Variants in MGST2 observed in about 807,000 individuals in gnomAD.
MGST2 encodes the protein microsomal glutathione S-transferase 2.
Under a neutral mutation model 16.6 loss-of-function variants are expected in MGST2, and 9 were observed. That is an observed-to-expected ratio of 0.54 (90% CI 0.33 to 0.95). The LOEUF (loss-of-function observed/expected upper bound fraction) is 0.95, where lower values mean the gene tolerates loss of function less well. MGST2 is among the 40% of genes least tolerant of loss of function. The pLI, the probability that MGST2 is intolerant of heterozygous loss-of-function variation, is 0.03. For synonymous variants in MGST2, 79 were observed against 68.0 expected (o/e 1.16, Z -0.79); for missense variants, 159 against 175.1 (o/e 0.91, Z 0.52).
intron 5 of MGST2, among the ~76,000 whole-genome samples, chr4:139,738,477 A>G (rs1729032329): frequency 6.6e-6 from 1 of 152,172 alleles, no homozygotes. Context: ...TGGGAGGCGG[A>G]GGTTGCAGTG....
rs370440205 is a variant in MGST2 at position 139,720,161 on chromosome 4, G to C, written c.*48+15965G>C. ...TTGGCTGGTAGGCGTGGTGCTATAA[G>C]GGGCCAGTCCCATCTCCGACTGCGC... On this transcript the variant is annotated intron_variant, in intron 5 of 5. Coordinates refer to the MGST2 transcript ENST00000616265. The C allele has an allele frequency of 4.7e-5, 76 of 1,614,084 alleles. No individual in the cohort carries two copies. The African/African-American group carries it at 9.1e-4, about 19-fold the overall frequency.
chr4:139,706,122 T>A (rs757889110), downstream of MGST2, among the ~76,000 whole-genome samples: 15 of 152,170 alleles, frequency 9.9e-5, no homozygotes, highest in Non-Finnish European at 1.2e-4. Flanking sequence ...TAAATACTAG[T>A]GTTCCCATAA....
At chr4:139,684,603 T>C (rs936559462) in intron 2 of MGST2, among the ~76,000 whole-genome samples, 1 of 152,154 alleles carries the variant, frequency 6.6e-6, no homozygotes, top group Admixed American at 6.5e-5. Context: ...GCAGCTTTCT[T>C]CTGGAGAACC....
intron 5 of MGST2, chr4:139,725,894 C>A: frequency 7.2e-7 from 1 of 1,398,044 alleles, no homozygotes; most frequent in Non-Finnish European, 1.0e-6. Context: ...GCACACAATT[C>A]AATATCCCAG....
rs552778227 is a variant in MGST2, at chr4:139,685,201, T to C, written c.158+6559T>C. The stretch of plus-strand genomic sequence containing the variant: ...CTCTCTTCCACTCTTGAGAGATTGT[T>C]TGGAGGTTCCAGCAGGGGAGCATAG... On this transcript the variant is annotated intron_variant, in intron 2 of 4. Coordinates refer to ENST00000265498, the MANE Select transcript of MGST2 (RefSeq NM_002413.5). 2.0e-5 allele frequency: 3 copies of C among 152,656 alleles called. No individual in the cohort carries two copies. The South Asian group carries it at 6.2e-4, about 32-fold the overall frequency. 9.5% of individuals were successfully genotyped at this position (152,656 alleles called of 1,614,324 possible). A position where few individuals can be genotyped will look rare whatever the true frequency, so the allele number is the denominator to read the frequency against.
At chr4:139,682,255 A>T (rs959235830) in intron 2 of MGST2, among the ~76,000 whole-genome samples, 2 of 150,276 alleles carry the variant, frequency 1.3e-5, no homozygotes, top group Non-Finnish European at 2.9e-5. Context: ...AAAAAAAAAA[A>T]ACAAAAACAG....
chr4:139,732,618 T>TA (rs1728772134), intron 5 of MGST2, among the ~76,000 whole-genome samples: 1 of 151,578 alleles, frequency 6.6e-6, no homozygotes, highest in African/African-American at 2.4e-5. Flanking sequence ...TTTACTTTTT[T>TA]AAAAAATGTA....
chr4:139,723,478 T>C (rs1220734347), intron 5 of MGST2, among the ~76,000 whole-genome samples: 1 of 152,080 alleles, frequency 6.6e-6, no homozygotes, highest in Non-Finnish European at 1.5e-5. Context: ...GCCTGGCTAA[T>C]TTTTTGTATT....
chr4:139,728,731 C>T (rs1470091451), intron 5 of MGST2, among the ~76,000 whole-genome samples: 1 of 152,186 alleles, frequency 6.6e-6, no homozygotes, highest in Admixed American at 6.5e-5. Context: ...TCTCCCCTGA[C>T]CTCTCACCTC....
rs183510653 is a variant in MGST2, at chr4:139,731,711, G to T, written c.*49-8501G>T. Among the ~76,000 whole-genome samples, 45 of 152,274 alleles carry T rather than the reference G, an allele frequency of 3.0e-4. 1 individual carries two copies. The highest frequency in any genetic ancestry group is 2.9e-3 in the Admixed American group (45 of 15,290). ...TTCTATAATTATATGTCAGCCAGTC[G>T]AATGATGGCAACTTTTAAGGACTGG... On this transcript the variant is annotated intron_variant, in intron 5 of 5. Coordinates refer to the MGST2 transcript ENST00000616265.
intron 5 of MGST2, chr4:139,719,566 C>G (rs544447946): frequency 2.5e-6 from 4 of 1,613,572 alleles, no homozygotes; most frequent in Non-Finnish European, 3.4e-6. Context: ...TGAACGCTGG[C>G]ATGCCTGGGA....
At chr4:139,681,420 G>A (rs1334202610) in intron 2 of MGST2, among the ~76,000 whole-genome samples, 1 of 151,908 alleles carries the variant, frequency 6.6e-6, no homozygotes, top group Non-Finnish European at 1.5e-5. Flanking sequence ...TAACCTCCAG[G>A]ACTGATCCTC....
At chr4:139,721,778 G>A (rs181187047) in intron 5 of MGST2, among the ~76,000 whole-genome samples, 1 of 152,220 alleles carries the variant, frequency 6.6e-6, no homozygotes, top group Admixed American at 6.5e-5. Flanking sequence ...ATTTTTTTAA[G>A]CTTCATTATA....
chr4:139,746,444 A>T, the MGST2 span, among the ~76,000 whole-genome samples: 3 of 145,276 alleles, frequency 2.1e-5, no homozygotes, highest in East Asian at 5.8e-4. Flanking sequence ...TCCCTTTAAA[A>T]ATTTTCCTAC....
chr4:139,700,357 T>C (rs1372094374), intron 3 of MGST2, among the ~76,000 whole-genome samples: 1 of 152,038 alleles, frequency 6.6e-6, no homozygotes, highest in Non-Finnish European at 1.5e-5. Flanking sequence ...GGTCTCGATC[T>C]CCTGATCTCG....
At chr4:139,743,497 A>G (rs538821855), downstream of MGST2, among the ~76,000 whole-genome samples, 7 of 152,140 alleles carry the variant, frequency 4.6e-5, no homozygotes, top group Non-Finnish European at 8.8e-5. Flanking sequence ...CAATTTCTCA[A>G]TCAGCAATTA....
At chr4:139,728,553 G>A (rs764044868) in intron 5 of MGST2, among the ~76,000 whole-genome samples, 19 of 152,194 alleles carry the variant, frequency 1.2e-4, no homozygotes, top group Admixed American at 2.6e-4. Context: ...CACATCACAT[G>A]CAAAAGAACG....
At chr4:139,747,486 G>C in the MGST2 span, among the ~76,000 whole-genome samples, 37 of 152,246 alleles carry the variant, frequency 2.4e-4, no homozygotes, top group African/African-American at 7.7e-4. Flanking sequence ...CTGAGGTCTG[G>C]AGTTCAAGAC....
chr4:139,699,970 T>A (rs2110894304), intron 3 of MGST2, among the ~76,000 whole-genome samples: 1 of 152,160 alleles, frequency 6.6e-6, no homozygotes. Flanking sequence ...AGTTTCAGGC[T>A]GCAGTGAATC....
Sources: gnomAD v4.1 joint callset for allele counts (sites outside exome capture counted in the v4.1 genomes callset) on GRCh38, gnomAD v4.1.1 for gene constraint, MANE v1.5 for transcripts, NCBI Gene and HGNC (gene_info 2026-07-23, HGNC 2026-07-21) for gene names.